The following NLGN4X variants were observed in gnomAD, a reference collection of about 807,000 sequenced individuals.
NLGN4X encodes neuroligin 4 X-linked.
In NLGN4X, 3 loss-of-function variants were observed where a neutral mutation model predicts 40.3. That is an observed-to-expected ratio of 0.07 (90% CI 0.03 to 0.19). The LOEUF (loss-of-function observed/expected upper bound fraction) is 0.19. NLGN4X is among the 10% of genes least tolerant of loss of function. The pLI is 1.00. For missense variants in NLGN4X, 382 were observed against 708.3 expected, an observed-to-expected ratio of 0.54 and a Z score of 5.23; for synonymous variants, 270 against 306.8, an observed-to-expected ratio of 0.88 and a Z score of 1.25.
intron 2 of NLGN4X, among the ~76,000 whole-genome samples, chrX:6,035,323 C>T (rs1054486780): frequency 2.7e-5 from 3 of 111,482 alleles, no homozygotes; most frequent in Admixed American, 1.9e-4. Context: ...ATGAGTTTCA[C>T]TTGATCAATT....
At chrX:6,010,265 G>A (rs774498982) in intron 3 of NLGN4X, among the ~76,000 whole-genome samples, 1 of 109,597 alleles carries the variant, frequency 9.1e-6, no homozygotes, top group South Asian at 4.0e-4. Context: ...AGTTAGTGTT[G>A]TTGTCATGAA....
intron 1 of NLGN4X, among the ~76,000 whole-genome samples, chrX:6,172,957 A>C (rs904061154): frequency 3.6e-5 from 4 of 112,388 alleles, no homozygotes; most frequent in Admixed American, 1.9e-4. Context: ...GTGAGTATGC[A>C]GAGTGTAGAC....
Position 5,976,222 on chromosome X carries a change from T to A in NLGN4X, c.625+53058A>T, listed in dbSNP as rs148823044. On this transcript the variant is annotated intron_variant, in intron 3 of 5. Coordinates refer to ENST00000381095, the MANE Select transcript of NLGN4X (RefSeq NM_181332.3). ...CTAATTTTTTTGGATGTTCCTTGTTTAAATTGCAAATGCATGCAACTACCT... is the reference window on the plus strand; with the variant it reads ...CTAATTTTTTTGGATGTTCCTTGTTAAAATTGCAAATGCATGCAACTACCT... Among the ~76,000 whole-genome samples, 712 of 112,455 alleles carry A rather than the reference T, an allele frequency of 6.3e-3. 1 individual carries two copies. The highest frequency in any genetic ancestry group is 0.022 in the African/African-American group (679 of 30,964).
intron 2 of NLGN4X, among the ~76,000 whole-genome samples, chrX:6,061,087 C>T (rs1225723434): frequency 1.8e-5 from 2 of 111,662 alleles, no homozygotes; most frequent in Middle Eastern, 4.6e-3. Context: ...CAAGCGAAAA[C>T]CTTAAGAGCT....
intron 2 of NLGN4X, among the ~76,000 whole-genome samples, chrX:6,114,280 T>C (rs2039220642): frequency 8.9e-6 from 1 of 111,744 alleles, no homozygotes; most frequent in East Asian, 2.8e-4. Flanking sequence ...AGGATATTAG[T>C]CACTTTACTT....
At chrX:6,048,824 A>G (rs1241366432) in intron 2 of NLGN4X, among the ~76,000 whole-genome samples, 5 of 103,501 alleles carry the variant, frequency 4.8e-5, no homozygotes, top group African/African-American at 1.8e-4. Flanking sequence ...GAGGGAAACA[A>G]CACACACTAG....
intron 1 of NLGN4X, among the ~76,000 whole-genome samples, chrX:6,186,596 A>G (rs1922033547): frequency 8.9e-6 from 1 of 112,384 alleles, no homozygotes; most frequent in African/African-American, 3.2e-5. Flanking sequence ...AGGAAACCTT[A>G]TGAGTTTGAG....
intron 2 of NLGN4X, among the ~76,000 whole-genome samples, chrX:6,135,845 A>G (rs2039806060): frequency 8.9e-6 from 1 of 112,013 alleles, no homozygotes; most frequent in African/African-American, 3.2e-5. Flanking sequence ...AGCAATGATT[A>G]GACCTGAGGA....
intron 3 of NLGN4X, among the ~76,000 whole-genome samples, chrX:5,958,263 G>A (rs1256467706): frequency 9.0e-6 from 1 of 111,589 alleles, no homozygotes; most frequent in African/African-American, 3.3e-5. Flanking sequence ...TCATAGAGAT[G>A]TCTGGATTAA....
In NLGN4X at chrX:5,934,043, T is replaced by C. The variant is rs771842889; in HGVS notation, c.626-24804A>G. The stretch of plus-strand genomic sequence containing the variant: ...AGATGTCTATGCCTCTTGACCAAAA[T>C]TCCCCCATGAACCCAACTTCCAGTC... On this transcript the variant is annotated intron_variant, in intron 3 of 5. Transcript: ENST00000381095. Among the ~76,000 whole-genome samples the C allele has an allele frequency of 1.2e-4, 13 of 111,736 alleles. 1 individual carries two copies. The highest frequency in any genetic ancestry group is 2.8e-4 in the East Asian group (1 of 3,535).
chrX:6,111,861 A>C (rs754921995), intron 2 of NLGN4X, among the ~76,000 whole-genome samples: 20 of 112,162 alleles, frequency 1.8e-4, no homozygotes, highest in African/African-American at 6.5e-4. Flanking sequence ...TGGGATATTA[A>C]AACATACATT....
chrX:5,970,632 TA>T (rs1231127389), intron 3 of NLGN4X, among the ~76,000 whole-genome samples: 24 of 112,091 alleles, frequency 2.1e-4, no homozygotes, highest in Non-Finnish European at 5.6e-5. Flanking sequence ...CAACTTTAGG[TA>T]ACATGAATAA....
intron 1 of NLGN4X, among the ~76,000 whole-genome samples, chrX:6,166,169 G>A (rs999170644): frequency 2.7e-5 from 3 of 112,251 alleles, no homozygotes; most frequent in Non-Finnish European, 3.8e-5. Context: ...TGACTATTAC[G>A]AACCTCTTAA....
intron 2 of NLGN4X, among the ~76,000 whole-genome samples, chrX:6,063,587 T>A (rs764895843): frequency 8.9e-6 from 1 of 112,152 alleles, no homozygotes; most frequent in African/African-American, 3.2e-5. Flanking sequence ...CATGGATGCA[T>A]CCCTGAAGCT....
chrX:5,896,483 A>G (rs2031500303), intron 5 of NLGN4X, among the ~76,000 whole-genome samples: 1 of 111,932 alleles, frequency 8.9e-6, no homozygotes, highest in South Asian at 3.8e-4. Context: ...TCCTGTGAGT[A>G]AAATTAAAGA....
At chrX:6,003,260 G>A (rs935648024) in intron 3 of NLGN4X, among the ~76,000 whole-genome samples, 1 of 112,022 alleles carries the variant, frequency 8.9e-6, no homozygotes, top group Non-Finnish European at 1.9e-5. Flanking sequence ...TTACAGTGGC[G>A]TGAAAGCAGG....
intron 2 of NLGN4X, among the ~76,000 whole-genome samples, chrX:6,063,705 T>C (rs1241858712): frequency 8.9e-6 from 1 of 112,453 alleles, no homozygotes; most frequent in African/African-American, 3.2e-5. Context: ...TTTAGAATTA[T>C]ATAAGACTAT....
intron 3 of NLGN4X, among the ~76,000 whole-genome samples, chrX:5,974,375 G>A (rs1167546620): frequency 8.9e-6 from 1 of 112,002 alleles, no homozygotes; most frequent in Non-Finnish European, 1.9e-5. Flanking sequence ...CCACAGTCAT[G>A]GAGTTAGAGG....
chrX:6,008,560 A>G (rs1211223643), intron 3 of NLGN4X, among the ~76,000 whole-genome samples: 1 of 111,792 alleles, frequency 8.9e-6, no homozygotes, highest in African/African-American at 3.2e-5. Flanking sequence ...ATTTTCTACC[A>G]CTCAAAAATT....
Sources: allele counts gnomAD v4.1 joint callset (sites outside exome capture counted in the v4.1 genomes callset), GRCh38; gene constraint gnomAD v4.1.1; transcripts MANE v1.5; gene names NCBI Gene and HGNC (gene_info 2026-07-23, HGNC 2026-07-21).